DCAF6: variants seen among roughly 807,000 people sequenced by gnomAD.
The protein encoded by DCAF6 is DDB1- and CUL4-associated factor 6.
DCAF6 carries 54 observed loss-of-function variants against 125.1 expected under a neutral mutation model. The ratio of observed to expected loss-of-function variants is 0.43; its 90% CI spans 0.35 to 0.54. The LOEUF (loss-of-function observed/expected upper bound fraction) is 0.54. DCAF6 is among the 20% of genes least tolerant of loss of function. The pLI is 0.01. For synonymous variants in DCAF6, 371 were observed against 390.4 expected, an observed-to-expected ratio of 0.95 and a Z score of 0.58; for missense variants, 934 against 1,161.7, an observed-to-expected ratio of 0.80 and a Z score of 2.85.
rs370689907 is a variant in DCAF6, at chr1:168,061,294, A to C, written c.2301-2327A>C. On this transcript the variant is annotated intron_variant, in intron 17 of 21. Transcript: ENST00000367840. Reference sequence around the variant, plus strand: ...AAGTTTTGAAAACACTTTTTAAGTAAGTCTATATAGCTTAAAGTATACCAT... The same window carrying C: ...AAGTTTTGAAAACACTTTTTAAGTACGTCTATATAGCTTAAAGTATACCAT... Among the ~76,000 whole-genome samples, 111 of 152,336 alleles carry C rather than the reference A, an allele frequency of 7.3e-4. 2 individuals are homozygous for C. In the South Asian group the frequency reaches 0.022, roughly 31 times the overall value.
Position 167,946,198 on chromosome 1 carries a change from T to A in DCAF6, c.98-5602T>A, listed in dbSNP as rs149861697. 2.1e-3 allele frequency among the ~76,000 whole-genome samples: 318 copies of A among 151,680 alleles called. 2 individuals carry two copies. Among genetic ancestry groups the A allele is most frequent in the African/African-American group, 7.2e-3 (297 of 41,364 alleles). On this transcript the variant is annotated intron_variant, in intron 1 of 21. Transcript: ENST00000367840. ...CTTGAACTACTGACCTCAGGTGATC[T>A]GGCCACCTCAGCCTCCCAAAGTGCT... is the stretch of plus-strand genomic sequence containing the variant.
intron 12 of DCAF6, among the ~76,000 whole-genome samples, chr1:168,029,178 G>T (rs907728988): frequency 5.3e-5 from 8 of 152,094 alleles, no homozygotes; most frequent in Non-Finnish European, 1.5e-5. Context: ...CCTCCAGTTT[G>T]TTTAACTTAG....
At chr1:167,982,361 C>A (rs988319970) in intron 4 of DCAF6, among the ~76,000 whole-genome samples, 1 of 152,118 alleles carries the variant, frequency 6.6e-6, no homozygotes, top group African/African-American at 2.4e-5. Context: ...CCTGCCTCAG[C>A]CTCCTGAGTA....
the DCAF6 span, among the ~76,000 whole-genome samples, chr1:167,921,710 T>A: frequency 6.6e-6 from 1 of 152,198 alleles, no homozygotes; most frequent in African/African-American, 2.4e-5. Flanking sequence ...TTTACATGAT[T>A]TAATAAATTG....
chr1:168,061,832 A>G (rs1433673800), intron 17 of DCAF6, among the ~76,000 whole-genome samples: 1 of 152,148 alleles, frequency 6.6e-6, no homozygotes, highest in African/African-American at 2.4e-5. Flanking sequence ...AAAACCACAA[A>G]TAGATCTTCA....
intron 5 of DCAF6, among the ~76,000 whole-genome samples, chr1:167,988,886 C>G (rs1367617664): frequency 6.6e-6 from 1 of 152,068 alleles, no homozygotes; most frequent in Non-Finnish European, 1.5e-5. Flanking sequence ...GGAGACCAGC[C>G]TGGTCAACAT....
the DCAF6 span, among the ~76,000 whole-genome samples, chr1:167,878,827 C>A: frequency 6.6e-6 from 1 of 152,178 alleles, no homozygotes. Flanking sequence ...AGTTAGTTAG[C>A]CATTAGCAAA....
At chr1:167,986,989 G>C (rs1005047921) in intron 4 of DCAF6, among the ~76,000 whole-genome samples, 1 of 152,084 alleles carries the variant, frequency 6.6e-6, no homozygotes, top group Admixed American at 6.5e-5. Context: ...ACATTTCGTT[G>C]ACATTAAGTA....
chr1:167,976,592 A>G (rs750242684), intron 4 of DCAF6, among the ~76,000 whole-genome samples: 2 of 152,146 alleles, frequency 1.3e-5, no homozygotes, highest in Non-Finnish European at 2.9e-5. Context: ...TCTGGAGGTT[A>G]CCCCAGCTAC....
chr1:167,925,745 C>T, the DCAF6 span, among the ~76,000 whole-genome samples: 1 of 151,622 alleles, frequency 6.6e-6, no homozygotes, highest in African/African-American at 2.4e-5. Context: ...GACAGGGTTT[C>T]ACCATGTTGG....
intron 4 of DCAF6, among the ~76,000 whole-genome samples, chr1:167,981,049 G>A (rs1366802661): frequency 6.6e-6 from 1 of 151,244 alleles, no homozygotes; most frequent in Non-Finnish European, 1.5e-5. Flanking sequence ...TGGGATTACA[G>A]GCGCATGCCA....
intron 12 of DCAF6, among the ~76,000 whole-genome samples, chr1:168,029,873 G>A (rs193035843): frequency 5.2e-4 from 79 of 152,196 alleles, no homozygotes; most frequent in African/African-American, 1.7e-3. Flanking sequence ...CCAGCTACTT[G>A]GGAGGCTGAG....
chr1:167,935,179 T>C (rs1419533600), upstream of DCAF6, among the ~76,000 whole-genome samples: 2 of 152,010 alleles, frequency 1.3e-5, no homozygotes, highest in Non-Finnish European at 2.9e-5. Context: ...TAAATAAGGA[T>C]AGACTTAAAA....
intron 4 of DCAF6, among the ~76,000 whole-genome samples, chr1:167,978,608 T>C (rs1355841993): frequency 6.6e-6 from 1 of 152,176 alleles, no homozygotes; most frequent in Non-Finnish European, 1.5e-5. Context: ...TGAAAAAATA[T>C]CTTCTGCATA....
chr1:167,882,514 G>A, the DCAF6 span, among the ~76,000 whole-genome samples: 4 of 149,040 alleles, frequency 2.7e-5, no homozygotes, highest in African/African-American at 4.9e-5. Flanking sequence ...AGAACAGAGC[G>A]AAAACACCTG....
At chr1:167,964,238 G>A (rs1003146534) in intron 2 of DCAF6, among the ~76,000 whole-genome samples, 5 of 152,040 alleles carry the variant, frequency 3.3e-5, no homozygotes, top group African/African-American at 1.2e-4. Flanking sequence ...AGGTCTGCTG[G>A]CAACAAATTC....
chr1:168,064,962 A>G (rs1411905100), intron 18 of DCAF6, among the ~76,000 whole-genome samples: 7 of 152,226 alleles, frequency 4.6e-5, no homozygotes, highest in Admixed American at 2.0e-4. Flanking sequence ...ATAATAGCTA[A>G]TGATCTTCTT....
In DCAF6 at chr1:168,045,208, C is replaced by G; in HGVS notation, c.2239C>G (p.Arg747Gly). ...AGTCCTGATCCCAGGTGCAAGGTAT[C>G]GAGCAGGACCTGGTGATAGGTTGGT... ...DPVLIPGARY[R>G]AGPGDRFNIR... Residue 747 changes from arginine (R) to glycine (G), a missense_variant, in exon 16 of 22, where the codon CGA becomes GGA. By Grantham distance (125) the Arg-to-Gly change is moderately radical (BLOSUM62 -2). Around this residue, in one of 5 missense-constraint regions of DCAF6, gnomAD observed 559 missense variants for 635.5 expected, o/e 0.88. Transcript: ENST00000367840. 3 of 1,607,528 alleles carry G rather than the reference C, an allele frequency of 1.9e-6. No individual in the cohort carries two copies. The highest frequency in any genetic ancestry group is 1.7e-4 in the Middle Eastern group (1 of 6,008).
chr1:167,895,670 A>G, the DCAF6 span, among the ~76,000 whole-genome samples: 2 of 152,220 alleles, frequency 1.3e-5, no homozygotes, highest in Non-Finnish European at 2.9e-5. Context: ...AATTCAGGAC[A>G]AAAGACTGAA....
Sources: gnomAD v4.1 joint callset for allele counts (sites outside exome capture counted in the v4.1 genomes callset) on GRCh38, gnomAD v4.1.1 for gene constraint, gnomAD v4.1.1 regional missense constraint, MANE v1.5 for transcripts, NCBI Gene and HGNC (gene_info 2026-07-23, HGNC 2026-07-21) for gene names.